The following NYAP2 variants were observed in gnomAD, a reference collection of about 807,000 sequenced individuals.
NYAP2 encodes the protein neuronal tyrosine-phosphorylated phosphoinositide-3-kinase adaptor 2.
In NYAP2, 23 loss-of-function variants were observed where a neutral mutation model predicts 50.4. The observed-to-expected ratio is 0.46, with a 90% CI of 0.33 to 0.65. The LOEUF (loss-of-function observed/expected upper bound fraction) is 0.65. NYAP2 is among the 30% of genes least tolerant of loss of function. The probability of loss-of-function intolerance (pLI) is 0.02; values close to 1 mark genes in which losing one functional copy is unlikely to be tolerated. For missense variants in NYAP2, 885 were observed against 861.0 expected, an observed-to-expected ratio of 1.03 and a Z score of -0.35; for synonymous variants, 394 against 365.2, an observed-to-expected ratio of 1.08 and a Z score of -0.90.
At chr2:225,419,524 C>G (rs1695182551) in intron 3 of NYAP2, among the ~76,000 whole-genome samples, 1 of 152,144 alleles carries the variant, frequency 6.6e-6, no homozygotes, top group Non-Finnish European at 1.5e-5. Context: ...CTTTCACTTG[C>G]TAGCTTTAGT....
chr2:225,481,789 C>A lies in NYAP2; in HGVS notation c.222-31582C>A, dbSNP rs574435748. Among the ~76,000 whole-genome samples the A allele has an allele frequency of 5.3e-5, 8 of 152,154 alleles. No individual in the cohort carries two copies. The South Asian group carries it at 1.7e-3, about 32-fold the overall frequency. On this transcript the variant is annotated intron_variant, in intron 3 of 6. Transcript: ENST00000636099. ...GGCAAGGTTCCACCCCCTTAGGCAT[C>A]CATTTATCATTTATTCAATAAATAT...
At chr2:225,443,121 G>C (rs549498559) in intron 3 of NYAP2, among the ~76,000 whole-genome samples, 1 of 152,290 alleles carries the variant, frequency 6.6e-6, no homozygotes, top group South Asian at 2.1e-4. Context: ...ATGACACATG[G>C]GGATAATGGG....
At chr2:225,525,329 G>A (rs1057486819) in intron 4 of NYAP2, among the ~76,000 whole-genome samples, 6 of 151,942 alleles carry the variant, frequency 3.9e-5, no homozygotes, top group South Asian at 2.1e-4. Flanking sequence ...TATGTTTATC[G>A]CAGCGCTATT....
intron 4 of NYAP2, among the ~76,000 whole-genome samples, chr2:225,555,337 C>T (rs1451169892): frequency 6.6e-6 from 1 of 152,044 alleles, no homozygotes; most frequent in African/African-American, 2.4e-5. Flanking sequence ...TTTCAAATTA[C>T]ATATAGGTAG....
intron 3 of NYAP2, among the ~76,000 whole-genome samples, chr2:225,413,945 A>C (rs570070072): frequency 4.7e-4 from 71 of 152,212 alleles, no homozygotes; most frequent in Non-Finnish European, 6.0e-4. Flanking sequence ...AAACGTGCAG[A>C]CTGCCAAGGA....
At chr2:225,430,079 T>G (rs749672603) in intron 3 of NYAP2, among the ~76,000 whole-genome samples, 21 of 152,212 alleles carry the variant, frequency 1.4e-4, no homozygotes, top group Non-Finnish European at 1.8e-4. Context: ...TCACTCATAT[T>G]TATCTCTCTC....
intron 4 of NYAP2, among the ~76,000 whole-genome samples, chr2:225,557,776 T>C (rs1359609114): frequency 6.6e-6 from 1 of 152,152 alleles, no homozygotes; most frequent in Non-Finnish European, 1.5e-5. Context: ...CATGTTTAAG[T>C]TGTCAGGTTA....
At chr2:225,648,529 T>C (rs1693675180) in intron 6 of NYAP2, among the ~76,000 whole-genome samples, 1 of 152,040 alleles carries the variant, frequency 6.6e-6, no homozygotes. Flanking sequence ...GTTTCTGAGA[T>C]GAGTTGAGAT....
chr2:225,435,197 G>A (rs1040090942), intron 3 of NYAP2, among the ~76,000 whole-genome samples: 9 of 151,932 alleles, frequency 5.9e-5, no homozygotes, highest in Non-Finnish European at 1.0e-4. Flanking sequence ...CAAAGTTCTT[G>A]AATAATCAAA....
intron 3 of NYAP2, among the ~76,000 whole-genome samples, chr2:225,423,461 C>T (rs1483310345): frequency 2.0e-5 from 3 of 152,140 alleles, no homozygotes; most frequent in Admixed American, 6.6e-5. Context: ...AACAGCCTGA[C>T]CTCTGTCACC....
chr2:225,596,229 C>T (rs1449870259), intron 5 of NYAP2, among the ~76,000 whole-genome samples: 1 of 152,130 alleles, frequency 6.6e-6, no homozygotes, highest in Non-Finnish European at 1.5e-5. Context: ...AGGATATCCT[C>T]ATTAGTAATC....
intron 3 of NYAP2, among the ~76,000 whole-genome samples, chr2:225,422,917 C>T (rs763516157): frequency 6.6e-6 from 1 of 152,054 alleles, no homozygotes; most frequent in Non-Finnish European, 1.5e-5. Flanking sequence ...ATCAGAAGCT[C>T]TCATTATTAT....
At chr2:225,587,945 G>A (rs1692416702) in intron 5 of NYAP2, among the ~76,000 whole-genome samples, 1 of 149,774 alleles carries the variant, frequency 6.7e-6, no homozygotes, top group Non-Finnish European at 1.5e-5. Flanking sequence ...TTTTTTTTTA[G>A]GCGGATTCTT....
rs115091479 is a variant in NYAP2 at position 225,523,168 on chromosome 2, C to T, written c.523+9496C>T. On this transcript the variant is annotated intron_variant, in intron 4 of 6. Coordinates refer to ENST00000636099, the Ensembl canonical transcript of NYAP2. Reference sequence around the variant, plus strand: ...CAGTTCCTAGTGCAGATCTGTGACACTTATAAGTGGCCATAACGTTTTTTA... The same window carrying T: ...CAGTTCCTAGTGCAGATCTGTGACATTTATAAGTGGCCATAACGTTTTTTA... Among the ~76,000 whole-genome samples the T allele has an allele frequency of 5.2e-3, 789 of 152,084 alleles. 6 individuals carry two copies. Among genetic ancestry groups the T allele is most frequent in the African/African-American group, 0.017 (723 of 41,502 alleles).
intron 3 of NYAP2, among the ~76,000 whole-genome samples, chr2:225,428,033 A>G (rs754599430): frequency 3.3e-5 from 5 of 152,122 alleles, no homozygotes; most frequent in Non-Finnish European, 4.4e-5. Context: ...GATCAAGGTA[A>G]CATTTCTGGA....
At chr2:225,499,175 G>A (rs770488112) in intron 3 of NYAP2, among the ~76,000 whole-genome samples, 1 of 152,046 alleles carries the variant, frequency 6.6e-6, no homozygotes, top group Non-Finnish European at 1.5e-5. Flanking sequence ...AAGCAGGAGA[G>A]GACAGTATTC....
chr2:225,656,515 G>A (rs148898252), downstream of NYAP2, among the ~76,000 whole-genome samples: 237 of 152,214 alleles, frequency 1.6e-3, no homozygotes, highest in African/African-American at 5.5e-3. Context: ...TGCCTCTGGA[G>A]CAGATGCAGG....
At chr2:225,487,129 G>A (rs943444564) in intron 3 of NYAP2, among the ~76,000 whole-genome samples, 44 of 152,198 alleles carry the variant, frequency 2.9e-4, no homozygotes, top group Non-Finnish European at 6.2e-4. Context: ...CCCTCTCATT[G>A]GGAAGGAGAA....
chr2:225,655,512 T>C (rs1414224992), downstream of NYAP2, among the ~76,000 whole-genome samples: 1 of 152,176 alleles, frequency 6.6e-6, no homozygotes, highest in Non-Finnish European at 1.5e-5. Flanking sequence ...GAGTCATGTA[T>C]TATACTTGGA....
Sources: gnomAD v4.1 joint callset for allele counts (sites outside exome capture counted in the v4.1 genomes callset) on GRCh38, gnomAD v4.1.1 for gene constraint, MANE v1.5 for transcripts, NCBI Gene and HGNC (gene_info 2026-07-23, HGNC 2026-07-21) for gene names.